ISY1: variants seen among roughly 807,000 people sequenced by gnomAD.
The protein encoded by ISY1 is pre-mRNA-splicing factor ISY1 homolog.
In ISY1, 12 loss-of-function variants were observed where a neutral mutation model predicts 54.4. The observed-to-expected ratio is 0.22, with a 90% CI of 0.14 to 0.36. The LOEUF (loss-of-function observed/expected upper bound fraction) is 0.36, where lower values mean the gene tolerates loss of function less well. Among genes scored for constraint, ISY1 ranks in the 10% least tolerant of loss-of-function variants. The probability of loss-of-function intolerance (pLI) is 1.00; values close to 1 mark genes in which losing one functional copy is unlikely to be tolerated. For synonymous variants in ISY1, 96 were observed against 117.9 expected, an observed-to-expected ratio of 0.81 and a Z score of 1.20; for missense variants, 282 against 342.2, an observed-to-expected ratio of 0.82 and a Z score of 1.39.
At chr3:129,134,261 A>G (rs1342109583) in intron 8 of ISY1, 66 bp from the exon 9 acceptor site, 3 of 1,607,332 alleles carry the variant, frequency 1.9e-6, no homozygotes, top group African/African-American at 2.7e-5. Context: ...CTATGCAGGG[A>G]AAGGCCAACA....
Position 129,129,859 on chromosome 3 carries a change from C to T in ISY1, c.*222G>A. 2.5e-6 allele frequency: 1 copy of T among 404,474 alleles called. No individual in the cohort carries two copies. Among genetic ancestry groups the T allele is most frequent in the Non-Finnish European group, 4.4e-6 (1 of 229,104 alleles). The allele number at this position is 404,474 out of a possible 1,614,324, so 25.1% of individuals were successfully genotyped here. ...TTCGCAACCTGTTGTATACACTCCA[C>T]AATAAAAATAAATGGATCCACACAG... On this transcript the variant is annotated 3_prime_UTR_variant, in exon 11 of 11. Coordinates refer to ENST00000393295, the MANE Select transcript of ISY1 (RefSeq NM_020701.4).
Position 129,143,871 on chromosome 3 carries a change from G to A in ISY1, c.300+1890C>T, listed in dbSNP as rs115448526. 8.4e-3 allele frequency among the ~76,000 whole-genome samples: 1,283 copies of A among 152,198 alleles called. 24 individuals carry two copies. The highest frequency in any genetic ancestry group is 0.028 in the African/African-American group (1,156 of 41,566). ...AGCATATTCAAGTGGCTGCACTTAT[G>A]TAATGGGATTGTGACTGAGTGTTGT... On this transcript the variant is annotated intron_variant, in intron 6 of 10. Coordinates refer to ENST00000393295, the MANE Select transcript of ISY1 (RefSeq NM_020701.4).
intron 1 of ISY1, 118 bp from the exon 2 acceptor site, chr3:129,159,294 A>T: frequency 1.5e-6 from 2 of 1,307,844 alleles, no homozygotes; most frequent in Non-Finnish European, 2.1e-6. Flanking sequence ...CACTTGAAGT[A>T]CTATATGAAC....
In ISY1 at chr3:129,156,935, A is replaced by G; in HGVS notation, c.79-15T>C. The stretch of plus-strand genomic sequence containing the variant: ...GGTCTTCGTTCCTAAGGAGAAAAAA[A>G]TAACACATTTCCATTATACTATTTA... On this transcript the variant is annotated splice_polypyrimidine_tract_variant and intron_variant, in intron 3 of 10. Coordinates refer to ENST00000393295, the MANE Select transcript of ISY1 (RefSeq NM_020701.4). 2 of 1,613,652 alleles carry G rather than the reference A, an allele frequency of 1.2e-6. No individual in the cohort carries two copies. The highest frequency in any genetic ancestry group is 8.5e-7 in the Non-Finnish European group (1 of 1,179,830).
chr3:129,150,135 G>GAATGCTCC (rs1560020825), intron 5 of ISY1, among the ~76,000 whole-genome samples: 2 of 152,158 alleles, frequency 1.3e-5, no homozygotes, highest in Non-Finnish European at 2.9e-5. Flanking sequence ...CAGGTGGAAT[G>GAATGCTCC]AATGCTCCAA....
At chr3:129,150,879 T>C (rs1936945938) in intron 5 of ISY1, among the ~76,000 whole-genome samples, 3 of 151,774 alleles carry the variant, frequency 2.0e-5, no homozygotes, top group African/African-American at 7.3e-5. Context: ...TCCCAGTACT[T>C]TGGGAGGCTG....
At chr3:129,139,170 T>C (rs924921977) in intron 7 of ISY1, among the ~76,000 whole-genome samples, 4 of 151,848 alleles carry the variant, frequency 2.6e-5, no homozygotes, top group African/African-American at 4.8e-5. Context: ...CTCCTGACCT[T>C]GTGATTCTCC....
chr3:129,151,985 C>G (rs1936985952), intron 5 of ISY1, among the ~76,000 whole-genome samples: 1 of 152,002 alleles, frequency 6.6e-6, no homozygotes, highest in South Asian at 2.1e-4. Flanking sequence ...ATGGTAAAAC[C>G]CTGTCTCTAC....
intron 5 of ISY1, among the ~76,000 whole-genome samples, chr3:129,147,581 AG>A (rs1275760176): frequency 6.6e-6 from 1 of 152,140 alleles, no homozygotes; most frequent in Non-Finnish European, 1.5e-5. Context: ...AGCAAAGCCA[AG>A]GCATCTTGGA....
intron 7 of ISY1, among the ~76,000 whole-genome samples, chr3:129,139,830 C>T (rs886592108): frequency 6.6e-6 from 1 of 152,020 alleles, no homozygotes; most frequent in Admixed American, 6.6e-5. Context: ...TTAGTGGAGA[C>T]GGGGTTTCTC....
intron 1 of ISY1, 55 bp downstream of exon 1, chr3:129,160,918 G>GCCCCCCA: frequency 1.5e-6 from 1 of 666,128 alleles, no homozygotes; most frequent in Admixed American, 2.2e-5. Flanking sequence ...TGGACTGGGC[G>GCCCCCCA]CCCCCCCGCC....
intron 3 of ISY1, among the ~76,000 whole-genome samples, 190 bp from the exon 4 acceptor site, chr3:129,157,110 T>C (rs1414075106): frequency 2.0e-5 from 3 of 152,138 alleles, no homozygotes; most frequent in Non-Finnish European, 4.4e-5. Context: ...ATTGATTGCA[T>C]TGTATTTAAT....
In ISY1 at chr3:129,152,565, G is replaced by A. The variant is rs146673513; in HGVS notation, c.187+4068C>T. 5.3e-3 allele frequency among the ~76,000 whole-genome samples: 806 copies of A among 152,072 alleles called. 7 individuals carry two copies. Among genetic ancestry groups the A allele is most frequent in the African/African-American group, 0.016 (678 of 41,504 alleles). On this transcript the variant is annotated intron_variant, in intron 5 of 10. Coordinates refer to ENST00000393295, the MANE Select transcript of ISY1 (RefSeq NM_020701.4). ...ACTACAGGCACCTGCCACCACGCCCGGCTAATTTTTTTGTATTTTTAGTAG... is the reference window on the plus strand; with the variant it reads ...ACTACAGGCACCTGCCACCACGCCCAGCTAATTTTTTTGTATTTTTAGTAG...
At chr3:129,138,142 G>A (rs1576875331) in intron 7 of ISY1, among the ~76,000 whole-genome samples, 1 of 150,678 alleles carries the variant, frequency 6.6e-6, no homozygotes, top group African/African-American at 2.4e-5. Flanking sequence ...GCCGGGCATG[G>A]TGGCGGGCGC....
rs1319495333 is a variant in ISY1 at position 129,134,116 on chromosome 3, T to G, written c.621A>C (p.Glu207Asp). The change falls in exon 9 of 11, where the codon GAA becomes GAC. Residue 207 changes from glutamate (E) to aspartate (D), a missense_variant. Coordinates refer to ENST00000393295, the MANE Select transcript of ISY1 (RefSeq NM_020701.4). ...CATAGATGTTGATCTCTTCCTCCTC[T>G]TCCTCCTCCTCTTCCTTTTCTCCTC... ...LARGEKEEEE[E>D]EEEEINIYAV... The G allele has an allele frequency of 1.2e-6, 2 of 1,614,018 alleles. No individual in the cohort carries two copies. The highest frequency in any genetic ancestry group is 2.7e-5 in the African/African-American group (2 of 74,938).
intron 5 of ISY1, among the ~76,000 whole-genome samples, chr3:129,155,237 A>T (rs1430675297): frequency 6.6e-6 from 1 of 151,096 alleles, no homozygotes; most frequent in Non-Finnish European, 1.5e-5. Flanking sequence ...TTTGAGATGG[A>T]GTCCTGGAGT....
intron 5 of ISY1, among the ~76,000 whole-genome samples, chr3:129,154,023 A>G (rs1260508912): frequency 6.6e-6 from 1 of 151,838 alleles, no homozygotes; most frequent in East Asian, 2.0e-4. Context: ...CGGGCGGATC[A>G]CGAGGTCAGG....
rs139280005 is a variant in ISY1 at position 129,149,676 on chromosome 3, T to A, written c.188-3803A>T. 6.8e-3 allele frequency among the ~76,000 whole-genome samples: 926 copies of A among 135,972 alleles called. 10 individuals are homozygous for A. The highest frequency in any genetic ancestry group is 0.023 in the African/African-American group (837 of 36,138). 89.2% of individuals were successfully genotyped at this position (135,972 alleles called of 152,430 possible). ...AGCTATGCATGGTGGCACACACTTG[T>A]AGTCCCAGCTACTTGGGAGGCTGAG... On this transcript the variant is annotated intron_variant, in intron 5 of 10. Transcript: ENST00000393295.
intron 5 of ISY1, among the ~76,000 whole-genome samples, chr3:129,150,166 G>C (rs541491212): frequency 1.1e-3 from 161 of 152,188 alleles, no homozygotes; most frequent in African/African-American, 3.7e-3. Flanking sequence ...TTTCAAAATT[G>C]TTTTGGCTAT....
Sources: gnomAD v4.1 joint callset for allele counts (sites outside exome capture counted in the v4.1 genomes callset) on GRCh38, gnomAD v4.1.1 for gene constraint, MANE v1.5 for transcripts, NCBI Gene and HGNC (gene_info 2026-07-23, HGNC 2026-07-21) for gene names.